FAM186B: variants seen among roughly 807,000 people sequenced by gnomAD.
FAM186B encodes protein FAM186B.
A neutral mutation model predicts 83.4 loss-of-function variants in FAM186B; 68 were observed. That is an observed-to-expected ratio of 0.81 (90% CI 0.67 to 1.00). FAM186B has a LOEUF of 1.00. Among genes scored for constraint, FAM186B ranks in the 50% least tolerant of loss-of-function variants. The pLI is 0.00. For synonymous variants in FAM186B, 389 were observed against 422.0 expected, an observed-to-expected ratio of 0.92 and a Z score of 0.96; for missense variants, 983 against 1,099.2, an observed-to-expected ratio of 0.89 and a Z score of 1.49.
intron 5 of FAM186B, chr12:49,594,169 A>C: frequency 3.6e-6 from 1 of 279,074 alleles, no homozygotes; most frequent in Non-Finnish European, 7.5e-6. Context: ...AAATGAAATA[A>C]AATCCAGGGA....
At chr12:49,595,430 C>CT in intron 5 of FAM186B, 1 of 511,648 alleles carries the variant, frequency 2.0e-6, no homozygotes, top group South Asian at 1.5e-5. Flanking sequence ...CTTATAGCCA[C>CT]TATCTGTGCA....
Position 49,588,460 on chromosome 12 carries a change from A to G in FAM186B, c.2528T>C (p.Met843Thr), listed in dbSNP as rs201014369. The change falls in exon 6 of 7, where the codon ATG (methionine) becomes ACG (threonine). Residue 843 changes from methionine to threonine, a missense_variant. Transcript: ENST00000257894. The part of the protein sequence containing the change: ...SRHRACVPLQ[M>T]ARQQGKQMEA... Reference sequence around the variant, plus strand: ...TCAGCTTCCCAGAACCTACCGGGCCATCTGCAGGGGCACACATGCCCGGTG... The same window carrying G: ...TCAGCTTCCCAGAACCTACCGGGCCGTCTGCAGGGGCACACATGCCCGGTG... The G allele has an allele frequency of 1.2e-4, 198 of 1,611,624 alleles. 1 individual carries two copies. In the East Asian group the frequency reaches 3.1e-3, roughly 25 times the overall value.
chr12:49,611,375 A>C, the FAM186B span, among the ~76,000 whole-genome samples: 1 of 151,708 alleles, frequency 6.6e-6, no homozygotes, highest in Admixed American at 6.6e-5. Context: ...TTCATTTCAA[A>C]ATAAAAAAAT....
At chr12:49,604,148 G>A (rs1939957316) in intron 2 of FAM186B, 165 bp downstream of exon 2, 1 of 607,858 alleles carries the variant, frequency 1.6e-6, no homozygotes, top group East Asian at 2.7e-5. Flanking sequence ...GATCTGTGAT[G>A]TTTGGACACT....
rs745752039 is a variant in FAM186B, at chr12:49,600,149, C to T, written c.1491G>A (p.Glu497=). The part of the protein sequence containing the change: ...EMRRQLWLEE[E]EMWQQRQKKW... ...TCTTCTGCCGCTGCTGCCACATCTC[C>T]TCCTCCTCCAGCCACAGCTGCCTCC... The change falls in exon 4 of 7, where the codon GAG becomes GAA. Residue 497 remains glutamate (E), a synonymous_variant. Coordinates refer to ENST00000257894, the MANE Select transcript of FAM186B (RefSeq NM_032130.3). This position sits in a 1 kb window ranked among gnomAD's most constrained non-coding sequence, Gnocchi z 4.3. 2 of 1,613,860 alleles carry T rather than the reference C, an allele frequency of 1.2e-6. No individual in the cohort carries two copies. Among genetic ancestry groups the T allele is most frequent in the East Asian group, 4.5e-5 (2 of 44,884 alleles).
At chr12:49,596,616 AAGAC>A (rs1002577891) in intron 5 of FAM186B, among the ~76,000 whole-genome samples, 3 of 152,218 alleles carry the variant, frequency 2.0e-5, no homozygotes, top group East Asian at 1.9e-4. Context: ...TATTATCAAA[AAGAC>A]AGGCGATAGC....
chr12:49,613,585 A>T, the FAM186B span, among the ~76,000 whole-genome samples: 1 of 151,740 alleles, frequency 6.6e-6, no homozygotes, highest in African/African-American at 2.4e-5. Context: ...CATGCCTGTA[A>T]TCCCAGAACT....
intron 5 of FAM186B, 128 bp downstream of exon 5, chr12:49,598,627 C>A: frequency 1.2e-6 from 1 of 837,532 alleles, no homozygotes; most frequent in Non-Finnish European, 1.8e-6. Context: ...CCTGCCTTCT[C>A]CTTTCCCTTC....
chr12:49,620,963 G>A, the FAM186B span, among the ~76,000 whole-genome samples: 1 of 152,066 alleles, frequency 6.6e-6, no homozygotes, highest in African/African-American at 2.4e-5. Context: ...AAATTCTCTT[G>A]TCTAACCTGA....
In FAM186B at chr12:49,600,059, G is replaced by A; in HGVS notation, c.1581C>T (p.Ala527=). 2 of 1,606,274 alleles carry A rather than the reference G, an allele frequency of 1.2e-6. No individual in the cohort carries two copies. The highest frequency in any genetic ancestry group is 1.7e-6 in the Non-Finnish European group (2 of 1,175,882). The change falls in exon 4 of 7, where the codon GCC becomes GCT. Residue 527 remains alanine (A), a synonymous_variant. Transcript: ENST00000257894. This position sits in a 1 kb window ranked among gnomAD's most constrained non-coding sequence, Gnocchi z 4.3. ...GGACCCATCTCCGCTGTTGCTCCCTGGCCAGGTCTTCCAGATTCCACTGCC... is the reference window on the plus strand; with the variant it reads ...GGACCCATCTCCGCTGTTGCTCCCTAGCCAGGTCTTCCAGATTCCACTGCC... The part of the protein sequence containing the change: ...KLRQWNLEDL[A]REQQRRWVQL...
chr12:49,614,437 T>C, the FAM186B span, among the ~76,000 whole-genome samples: 6 of 152,230 alleles, frequency 3.9e-5, no homozygotes, highest in African/African-American at 1.4e-4. Context: ...ACAACACGGA[T>C]GCAGCTGGAG....
rs778798199 is a variant in FAM186B at position 49,605,456 on chromosome 12, G to GT, written c.21dup (p.Gln8ThrfsTer16). 18 of 1,613,808 alleles carry GT rather than the reference G, an allele frequency of 1.1e-5. No individual in the cohort carries two copies. The East Asian group carries it at 3.1e-4, about 28-fold the overall frequency. The stretch of plus-strand genomic sequence containing the variant: ...TTCACTGATGTGGGAGTCACCAACT[G>GT]TGGGGGGTCATCCTTCTCCATTTTG... On this transcript the variant is annotated frameshift_variant, in exon 1 of 7. Coordinates refer to ENST00000257894, the MANE Select transcript of FAM186B (RefSeq NM_032130.3). LOFTEE classifies it high-confidence loss of function.
the FAM186B span, among the ~76,000 whole-genome samples, chr12:49,612,102 T>A: frequency 2.0e-5 from 3 of 152,116 alleles, no homozygotes; most frequent in South Asian, 6.2e-4. Flanking sequence ...AACCAGCTAG[T>A]AACTTCATGA....
In FAM186B at chr12:49,600,438, A is replaced by G; in HGVS notation, c.1202T>C (p.Val401Ala). Residue 401 changes from valine to alanine, a missense_variant, in exon 4 of 7, where the codon GTC becomes GCC. Physicochemically the swap from Val to Ala is moderately conservative, Grantham distance 64. Coordinates refer to ENST00000257894, the MANE Select transcript of FAM186B (RefSeq NM_032130.3). The surrounding 1 kb of genome is among the most constrained non-coding windows in gnomAD (Gnocchi z 4.3). ...PLSTMTVRSR[V>A]ADVFGSKDTE... The stretch of plus-strand genomic sequence containing the variant: ...GTCCTTGCTGCCGAACACATCTGCG[A>G]CCCTCGAGCGCACAGTCATGGTGGA... 1.2e-6 allele frequency: 2 copies of G among 1,613,086 alleles called. No individual in the cohort carries two copies. The highest frequency in any genetic ancestry group is 1.7e-6 in the Non-Finnish European group (2 of 1,179,438).
chr12:49,621,131 C>A, the FAM186B span, among the ~76,000 whole-genome samples: 11 of 152,180 alleles, frequency 7.2e-5, no homozygotes, highest in East Asian at 1.7e-3. Context: ...GCCTGTAATC[C>A]CAACACTTTG....
downstream of FAM186B, among the ~76,000 whole-genome samples, chr12:49,584,996 G>A (rs1208305494): frequency 1.3e-5 from 2 of 151,752 alleles, no homozygotes; most frequent in South Asian, 2.1e-4. Flanking sequence ...CGGTGTACAC[G>A]TGTACCAGCA....
chr12:49,609,426 T>C (rs760437924), upstream of FAM186B, among the ~76,000 whole-genome samples: 6 of 152,202 alleles, frequency 3.9e-5, no homozygotes, highest in Non-Finnish European at 1.5e-5. Flanking sequence ...CTTCAGGAAT[T>C]TGGAGCACCT....
At chr12:49,584,453 A>T, downstream of FAM186B, 1 of 700,220 alleles carries the variant, frequency 1.4e-6, no homozygotes, top group Middle Eastern at 2.4e-4. Flanking sequence ...GTCCCTCAGA[A>T]GGTTGAGAAT....
At chr12:49,592,901 AAG>A (rs1392300053) in intron 5 of FAM186B, among the ~76,000 whole-genome samples, 1 of 152,256 alleles carries the variant, frequency 6.6e-6, no homozygotes, top group Non-Finnish European at 1.5e-5. Context: ...AAGGCAGGAA[AAG>A]AGGGAAAAAA....
Sources: gnomAD v4.1 joint callset for allele counts (sites outside exome capture counted in the v4.1 genomes callset) on GRCh38, gnomAD v4.1.1 for gene constraint, Gnocchi (gnomAD v3.1) non-coding constraint, MANE v1.5 for transcripts, NCBI Gene and HGNC (gene_info 2026-07-23, HGNC 2026-07-21) for gene names.